Variants in SLC11A2 observed in about 807,000 individuals in gnomAD.
SLC11A2 encodes natural resistance-associated macrophage protein 2.
Under a neutral mutation model 68.0 loss-of-function variants are expected in SLC11A2, and 38 were observed. The observed-to-expected ratio is 0.56, with a 90% confidence interval of 0.43 to 0.73. The LOEUF is 0.73. Among genes scored for constraint, SLC11A2 ranks in the 30% least tolerant of loss-of-function variants. The pLI, the probability that SLC11A2 is intolerant of heterozygous loss-of-function variation, is 0.00. For synonymous variants in SLC11A2, 242 were observed against 250.6 expected (o/e 0.97, Z 0.32); for missense variants, 517 against 690.5 (o/e 0.75, Z 2.82).
intron 11 of SLC11A2, chr12:50,993,188 T>G: frequency 2.0e-5 from 3 of 146,722 alleles, no homozygotes; most frequent in Non-Finnish European, 2.3e-5. Context: ...CCATCTTAAA[T>G]ATTAAAAAAA....
the SLC11A2 span, among the ~76,000 whole-genome samples, chr12:50,968,566 T>C: frequency 6.6e-6 from 1 of 152,062 alleles, no homozygotes; most frequent in African/African-American, 2.4e-5. Flanking sequence ...TTTGTTTGTT[T>C]TGAGATGGAG....
chr12:51,003,764 C>CA (rs34667457), intron 5 of SLC11A2, among the ~76,000 whole-genome samples: 10,567 of 66,608 alleles, frequency 0.16, 855 homozygotes, highest in East Asian at 0.39. Flanking sequence ...CTCATCTCCA[C>CA]AAAAAAAAAA....
intron 1 of SLC11A2, 60 bp from the exon 2 acceptor site, chr12:51,010,826 C>A: frequency 1.1e-6 from 1 of 910,832 alleles, no homozygotes; most frequent in Non-Finnish European, 1.8e-6. Context: ...AGTTCAGAAC[C>A]AGCAGTTTGT....
upstream of SLC11A2, among the ~76,000 whole-genome samples, chr12:51,027,534 C>G (rs114987062): frequency 3.2e-4 from 49 of 152,140 alleles, no homozygotes; most frequent in African/African-American, 1.2e-3. Flanking sequence ...CCAGCTGACT[C>G]GATTCTCCCC....
rs777883382 is a variant in SLC11A2 at position 51,008,494 on chromosome 12, G to A, written c.165C>T (p.Ile55=). ...TACTAACCTCCTCCTCAGGAATGGA[G>A]ATCTTCTCATTAAAGTAAGTGGCGA... ...EYFATYFNEK[I]SIPEEEYSCF... Residue 55 remains isoleucine, a synonymous_variant, in exon 3 of 16, where the codon ATC becomes ATT. Transcript: ENST00000262052. 3.7e-6 allele frequency: 6 copies of A among 1,613,322 alleles called. No individual in the cohort carries two copies. The African/African-American group carries it at 8.0e-5, about 22-fold the overall frequency.
At position 50,995,737 on chromosome 12, in the gene SLC11A2, C is replaced by G; in HGVS notation, c.882G>C (p.Lys294Asn). 6.2e-7 allele frequency: 1 copy of G among 1,614,056 alleles called. No homozygotes were observed. The highest frequency in any genetic ancestry group is 2.2e-5 in the East Asian group (1 of 44,888). ...CAATGCAGGATTCAATGAAAAAGTA[C>G]TTATTGGCTTCTCGAACTTCCTGCT... ...NNKQEVREAN[K>N]YFFIESCIAL... Residue 294 changes from lysine to asparagine, a missense_variant, in exon 10 of 16, where the codon AAG becomes AAC. Lys to Asn is a moderately conservative substitution (Grantham distance 94, BLOSUM62 0). Coordinates refer to ENST00000262052, the MANE Select transcript of SLC11A2 (RefSeq NM_000617.3).
At chr12:51,022,893 A>C (rs1944141806) in intron 1 of SLC11A2, among the ~76,000 whole-genome samples, 1 of 152,142 alleles carries the variant, frequency 6.6e-6, no homozygotes, top group Admixed American at 6.5e-5. Context: ...AAGACTAAAA[A>C]CCCTAATTTG....
chr12:50,983,189 A>G (rs771896757), downstream of SLC11A2, among the ~76,000 whole-genome samples: 7 of 152,050 alleles, frequency 4.6e-5, no homozygotes, highest in Non-Finnish European at 1.0e-4. Context: ...CACTCAGCTA[A>G]TTTTTTTGTA....
chr12:50,972,209 A>G, the SLC11A2 span, among the ~76,000 whole-genome samples: 1 of 152,224 alleles, frequency 6.6e-6, no homozygotes, highest in South Asian at 2.1e-4. Flanking sequence ...TACCTTCTCA[A>G]TATGTACTCA....
At chr12:51,020,853 C>T (rs1228417300) in intron 1 of SLC11A2, among the ~76,000 whole-genome samples, 1 of 152,168 alleles carries the variant, frequency 6.6e-6, no homozygotes, top group Non-Finnish European at 1.5e-5. Context: ...CCTGTAATCC[C>T]AGCACTTTGG....
chr12:51,000,745 C>A, intron 5 of SLC11A2: 1 of 585,556 alleles, frequency 1.7e-6, no homozygotes, highest in Non-Finnish European at 3.0e-6. Context: ...TAAAAACAAT[C>A]CTAAAAAGTT....
chr12:50,997,246 T>G (rs1300624217), intron 8 of SLC11A2, among the ~76,000 whole-genome samples: 1 of 152,104 alleles, frequency 6.6e-6, no homozygotes, highest in African/African-American at 2.4e-5. Context: ...CAAAATCTTT[T>G]CTTCTGCAAC....
chr12:50,989,485 T>A (rs1940934980), intron 15 of SLC11A2, among the ~76,000 whole-genome samples: 1 of 152,178 alleles, frequency 6.6e-6, no homozygotes, highest in African/African-American at 2.4e-5. Context: ...AGAAAAACTC[T>A]GTCTCAAAAA....
the SLC11A2 span, among the ~76,000 whole-genome samples, chr12:50,953,470 A>T: frequency 6.6e-6 from 1 of 152,244 alleles, no homozygotes; most frequent in South Asian, 2.1e-4. Flanking sequence ...TGTCTAGCAT[A>T]GCAACTGGCA....
intron 1 of SLC11A2, among the ~76,000 whole-genome samples, chr12:51,020,433 C>A (rs539089986): frequency 1.3e-5 from 2 of 152,188 alleles, no homozygotes; most frequent in South Asian, 4.2e-4. Flanking sequence ...CAGTGAAAAG[C>A]CCCTGTGGTA....
At position 50,987,995 on chromosome 12, in the gene SLC11A2, T is replaced by C. The variant is rs943769309; in HGVS notation, c.*330A>G. ...CATTTTCCAATTTTTTTTTAACATATAGCCTGGTTAAGAATCATGCATATC... is the reference window on the plus strand; with the variant it reads ...CATTTTCCAATTTTTTTTTAACATACAGCCTGGTTAAGAATCATGCATATC... On this transcript the variant is annotated 3_prime_UTR_variant, in exon 16 of 16. Transcript: ENST00000262052. The C allele has an allele frequency of 1.5e-6, 2 of 1,321,166 alleles. No homozygotes were observed. Among genetic ancestry groups the C allele is most frequent in the African/African-American group, 3.0e-5 (2 of 67,278 alleles). 81.8% of individuals were successfully genotyped at this position (1,321,166 alleles called of 1,614,324 possible).
At chr12:50,968,968 C>T in the SLC11A2 span, among the ~76,000 whole-genome samples, 1 of 152,182 alleles carries the variant, frequency 6.6e-6, no homozygotes. Context: ...CATGAGCCCC[C>T]ACCACGCACC....
chr12:50,988,276 A>C lies in SLC11A2; in HGVS notation c.*49T>G. The C allele has an allele frequency of 1.2e-6, 2 of 1,613,200 alleles. No homozygotes were observed. The highest frequency in any genetic ancestry group is 1.7e-6 in the Non-Finnish European group (2 of 1,179,530). ...GCTATGTTCACACAGTAAACCATAG[A>C]AACACACTGGCTCTGATGGCTACCT... On this transcript the variant is annotated 3_prime_UTR_variant, in exon 16 of 16. Transcript: ENST00000262052.
At position 51,008,109 on chromosome 12, in the gene SLC11A2, G is replaced by A. The variant is rs557717552; in HGVS notation, c.183+367C>T. On this transcript the variant is annotated intron_variant, in intron 3 of 15. Transcript: ENST00000262052. ...AGTCCCAGCTACTGGGGAGGCTGAA[G>A]TGGGAGAATCACTTGACCCCAGGAA... 5.3e-5 allele frequency: 10 copies of A among 188,142 alleles called. 1 individual carries two copies. The South Asian group carries it at 1.0e-3, about 19-fold the overall frequency. 11.7% of individuals were successfully genotyped at this position (188,142 alleles called of 1,614,324 possible).
Sources: allele counts gnomAD v4.1 joint callset (sites outside exome capture counted in the v4.1 genomes callset), GRCh38; gene constraint gnomAD v4.1.1; transcripts MANE v1.5; gene names NCBI Gene and HGNC (gene_info 2026-07-23, HGNC 2026-07-21).